WDR17: variants seen among roughly 807,000 people sequenced by gnomAD.
WDR17 encodes WD repeat domain 17, also known as WD repeat-containing protein 17.
WDR17 carries 143 observed loss-of-function variants against 161.7 expected under a neutral mutation model. The observed-to-expected ratio is 0.88, with a 90% CI of 0.77 to 1.02. The LOEUF (loss-of-function observed/expected upper bound fraction) is 1.02, where lower values mean the gene tolerates loss of function less well. Ranked by LOEUF, WDR17 falls within the 50% of genes least tolerant of loss-of-function variation. The pLI is 0.00. For missense variants in WDR17, 1,469 were observed against 1,520.9 expected, an observed-to-expected ratio of 0.97 and a Z score of 0.57; for synonymous variants, 517 against 515.6, an observed-to-expected ratio of 1.00 and a Z score of -0.04.
At chr4:176,148,893 A>G (rs1171854309) in intron 13 of WDR17, among the ~76,000 whole-genome samples, 2 of 152,108 alleles carry the variant, frequency 1.3e-5, no homozygotes, top group Non-Finnish European at 2.9e-5. Flanking sequence ...ATTTATTCTC[A>G]TCCTTAAACT....
At chr4:176,134,844 C>T (rs891047466) in intron 7 of WDR17, among the ~76,000 whole-genome samples, 1 of 151,574 alleles carries the variant, frequency 6.6e-6, no homozygotes, top group African/African-American at 2.4e-5. Context: ...AAAAGTGAGA[C>T]TTCTGAACAT....
At chr4:176,118,268 G>A (rs962060914) in intron 3 of WDR17, among the ~76,000 whole-genome samples, 18 of 151,976 alleles carry the variant, frequency 1.2e-4, no homozygotes, top group Admixed American at 1.2e-3. Flanking sequence ...TGGTCCTTTC[G>A]CTTTCCTTGC....
At chr4:176,087,136 C>G (rs1407927005) in intron 1 of WDR17, among the ~76,000 whole-genome samples, 1 of 151,744 alleles carries the variant, frequency 6.6e-6, no homozygotes, top group Non-Finnish European at 1.5e-5. Context: ...ACATATTTTC[C>G]CTTTCTGATG....
Position 176,179,579 on chromosome 4 carries a change from A to T in WDR17, c.3852A>T (p.Ter1284CysextTer1), listed in dbSNP as rs751924370. Residue 1284 changes from the stop codon to cysteine (C), a stop_lost, in exon 29 of 29, where the codon TGA (stop) becomes TGT (cysteine). Coordinates refer to ENST00000508596, the MANE Select transcript of WDR17 (RefSeq NM_181265.4). Reference sequence around the variant, plus strand: ...CTGGAATACGACTCAATCCATTCTGATAGAAGATTTTTGTCCATGCTTGAT... The same window carrying T: ...CTGGAATACGACTCAATCCATTCTGTTAGAAGATTTTTGTCCATGCTTGAT... ...LGTGIRLNPF[*>C] 5.8e-6 allele frequency: 9 copies of T among 1,546,230 alleles called. No individual in the cohort carries two copies. Among genetic ancestry groups the T allele is most frequent in the Non-Finnish European group, 7.8e-6 (9 of 1,147,174 alleles).
chr4:176,111,525 G>A, intron 1 of WDR17, 50 bp from the exon 2 acceptor site: 1 of 1,575,808 alleles, frequency 6.3e-7, no homozygotes, highest in Non-Finnish European at 8.6e-7. Flanking sequence ...CAATGAGGAA[G>A]TTTATCAATA....
Position 176,139,762 on chromosome 4 carries a change from C to T in WDR17, c.1360-130C>T, listed in dbSNP as rs529840215. ...TGTATAATCAGGTTTCTGCTCTTGA[C>T]AGTAATGCCTCTGTTAGTGTCATCT... On this transcript the variant is annotated intron_variant, in intron 9 of 28. Transcript: ENST00000508596. 1.8e-4 allele frequency: 117 copies of T among 651,212 alleles called. No individual in the cohort carries two copies. In the African/African-American group the frequency reaches 2.1e-3, roughly 12 times the overall value. 40.3% of individuals were successfully genotyped at this position (651,212 alleles called of 1,614,324 possible). A position where few individuals can be genotyped will look rare whatever the true frequency, so the allele number is the denominator to read the frequency against.
intron 18 of WDR17, among the ~76,000 whole-genome samples, chr4:176,158,098 AG>A (rs1748445046): frequency 3.3e-5 from 5 of 152,224 alleles, no homozygotes. Flanking sequence ...TTTTCCTAAG[AG>A]GAACACAAGA....
At position 176,177,557 on chromosome 4, in the gene WDR17, C is replaced by G. The variant is rs1467706215; in HGVS notation, c.3635C>G (p.Ser1212Ter). ...ATLLKRLKEE[S>*]LKGIIGPDYV... ...TTATTAAAGAGACTAAAAGAAGAGT[C>G]ACTGAAAGGAATTATTGGACCAGAT... Residue 1212 changes from serine to a stop codon, truncating the protein, a stop_gained, in exon 28 of 29, where the codon TCA becomes TGA. Transcript: ENST00000508596. LOFTEE classifies it high-confidence loss of function. 6.3e-7 allele frequency: 1 copy of G among 1,598,488 alleles called. No individual in the cohort carries two copies. The highest frequency in any genetic ancestry group is 8.5e-7 in the Non-Finnish European group (1 of 1,176,254).
intron 25 of WDR17, 117 bp from the exon 26 acceptor site, chr4:176,174,500 C>T: frequency 1.6e-6 from 1 of 644,496 alleles, no homozygotes; most frequent in Non-Finnish European, 2.4e-6. Flanking sequence ...ATTTTCTAAA[C>T]ATATATTGCT....
chr4:176,171,616 A>T (rs1304984200), intron 23 of WDR17, among the ~76,000 whole-genome samples: 1 of 152,232 alleles, frequency 6.6e-6, no homozygotes, highest in Non-Finnish European at 1.5e-5. Flanking sequence ...AAACTATTTT[A>T]TCCACATTGT....
At position 176,082,319 on chromosome 4, in the gene WDR17, T is replaced by C. The variant is rs141307364; in HGVS notation, c.-7+16240T>C. Among the ~76,000 whole-genome samples, 11 of 152,222 alleles carry C rather than the reference T, an allele frequency of 7.2e-5. No individual in the cohort carries two copies. The East Asian group carries it at 2.1e-3, about 29-fold the overall frequency. ...ATGACTGAATTTTAATAACCATGTA[T>C]ACTCGGGGTGATGAAACATGGTAAT... On this transcript the variant is annotated intron_variant, in intron 1 of 28. Transcript: ENST00000508596.
Position 176,160,968 on chromosome 4 carries a change from T to A in WDR17, c.2716T>A (p.Tyr906Asn), listed in dbSNP as rs1748950901. The change falls in exon 20 of 29, where the codon TAT (tyrosine) becomes AAT (asparagine). Residue 906 changes from tyrosine to asparagine, a missense_variant. Tyr to Asn is a moderately radical substitution (Grantham distance 143). Transcript: ENST00000508596. ...TGTTTCCGTGCCTAAAGGAGCTTCA[T>A]ATTCTGATGATATCTACAAGGAAGA... The part of the protein sequence containing the change: ...LHVSVPKGAS[Y>N]SDDIYKEDFN... 2 of 1,610,888 alleles carry A rather than the reference T, an allele frequency of 1.2e-6. No individual in the cohort carries two copies. The highest frequency in any genetic ancestry group is 1.7e-6 in the Non-Finnish European group (2 of 1,178,574).
At chr4:176,067,801 C>A (rs1423309446) in intron 1 of WDR17, among the ~76,000 whole-genome samples, 1 of 152,074 alleles carries the variant, frequency 6.6e-6, no homozygotes, top group Non-Finnish European at 1.5e-5. Context: ...GGGACAGGGC[C>A]AGTGGCAGTT....
At position 176,125,239 on chromosome 4, in the gene WDR17, G is replaced by A. The variant is rs201283359; in HGVS notation, c.674G>A (p.Arg225His). The A allele has an allele frequency of 1.4e-5, 22 of 1,614,064 alleles. No homozygotes were observed. The African/African-American group carries it at 1.9e-4, about 14-fold the overall frequency. ...GTGGTTAATTTGCATTATGGAATTC[G>A]CCTGGTAGATTCTGAATCACTTTCT... is the stretch of plus-strand genomic sequence containing the variant. ...LLVVNLHYGI[R>H]LVDSESLSCI... The change falls in exon 5 of 29, where the codon CGC (arginine) becomes CAC (histidine). Residue 225 changes from arginine (R) to histidine (H), a missense_variant. By Grantham distance (29) the Arg-to-His change is conservative. Coordinates refer to ENST00000508596, the MANE Select transcript of WDR17 (RefSeq NM_181265.4).
At chr4:176,143,569 C>T (rs564348552) in intron 11 of WDR17, among the ~76,000 whole-genome samples, 5 of 152,058 alleles carry the variant, frequency 3.3e-5, no homozygotes, top group Non-Finnish European at 7.4e-5. Flanking sequence ...GTCACAGCTC[C>T]TCGGGAGGCT....
intron 1 of WDR17, among the ~76,000 whole-genome samples, chr4:176,097,063 T>G (rs1736995025): frequency 1.3e-5 from 2 of 151,944 alleles, no homozygotes; most frequent in African/African-American, 4.8e-5. Flanking sequence ...TTAATTATGT[T>G]TGAAAACAAA....
chr4:176,160,221 CAA>C lies in WDR17; in HGVS notation c.2658+97_2658+98del. 3.4e-6 allele frequency: 5 copies of C among 1,464,306 alleles called. No homozygotes were observed. In the African/African-American group the frequency reaches 5.5e-5, roughly 16 times the overall value. The allele number at this position is 1,464,306 out of a possible 1,614,324, so 90.7% of individuals were successfully genotyped here. On this transcript the variant is annotated intron_variant, in intron 19 of 28. Coordinates refer to ENST00000508596, the MANE Select transcript of WDR17 (RefSeq NM_181265.4). ...GACTGGCTCACCCTTACATAATTGA[CAA>C]AGTCATAAAGGGCTTGGCTTCTGCC...
At chr4:176,123,528 T>C (rs1023251822) in intron 4 of WDR17, among the ~76,000 whole-genome samples, 5 of 152,176 alleles carry the variant, frequency 3.3e-5, no homozygotes, top group African/African-American at 1.2e-4. Flanking sequence ...GCCCCCTCCT[T>C]GCATTTGATT....
In WDR17 at chr4:176,067,389, T is replaced by G. The variant is rs372899795; in HGVS notation, c.-7+1310T>G. 7.9e-5 allele frequency among the ~76,000 whole-genome samples: 12 copies of G among 152,356 alleles called. 1 individual carries two copies. In the South Asian group the frequency reaches 2.5e-3, roughly 32 times the overall value. On this transcript the variant is annotated intron_variant, in intron 1 of 28. Transcript: ENST00000508596. The stretch of plus-strand genomic sequence containing the variant: ...TGGGAAGTTTTAAAGCAATGACTTA[T>G]TTCAAAGGGCATATACGGAAAGTAA...
Sources: gnomAD v4.1 joint callset for allele counts (sites outside exome capture counted in the v4.1 genomes callset) on GRCh38, gnomAD v4.1.1 for gene constraint, MANE v1.5 for transcripts, NCBI Gene and HGNC (gene_info 2026-07-23, HGNC 2026-07-21) for gene names.